The following NPNT variants were observed in gnomAD, a reference collection of about 807,000 sequenced individuals.
NPNT encodes the protein preosteoblast EGF-like repeat protein with MAM domain.
NPNT carries 45 observed loss-of-function variants against 68.6 expected under a neutral mutation model. That is an observed-to-expected ratio of 0.66 (90% confidence interval 0.52 to 0.84). The LOEUF (loss-of-function observed/expected upper bound fraction) is 0.84, where lower values mean the gene tolerates loss of function less well. Among genes scored for constraint, NPNT ranks in the 40% least tolerant of loss-of-function variants. NPNT has a pLI of 0.00. For missense variants in NPNT, 672 were observed against 714.8 expected (o/e 0.94, Z 0.68); for synonymous variants, 233 against 253.3 (o/e 0.92, Z 0.76).
chr4:105,916,386 A>AT (rs1002048993), intron 2 of NPNT, among the ~76,000 whole-genome samples: 523 of 141,716 alleles, frequency 3.7e-3, no homozygotes, highest in Middle Eastern at 0.019. Flanking sequence ...TGCCCATATA[A>AT]TTTTTTTTTT....
chr4:105,957,782 C>A (rs1247755027), intron 8 of NPNT, among the ~76,000 whole-genome samples: 1 of 152,156 alleles, frequency 6.6e-6, no homozygotes, highest in Non-Finnish European at 1.5e-5. Flanking sequence ...GATATTTATG[C>A]TGGGCCTTGA....
At chr4:105,920,395 T>TAAAAAAAAAAAAAAAAAAAAAAAAAAAA (rs11355483) in intron 2 of NPNT, among the ~76,000 whole-genome samples, 9 of 79,504 alleles carry the variant, frequency 1.1e-4, no homozygotes, top group African/African-American at 4.1e-4. Context: ...GTTACTCTAC[T>TAAAAAAAAAAAAAAAAAAAAAAAAAAAA]AAAAAAAAAA....
intron 8 of NPNT, among the ~76,000 whole-genome samples, chr4:105,952,312 G>A (rs113039871): frequency 1.1e-4 from 16 of 152,146 alleles, no homozygotes; most frequent in East Asian, 1.9e-4. Flanking sequence ...AGAAACTTGC[G>A]ATTTTATTCT....
rs780402797 is a variant in NPNT at position 105,967,301 on chromosome 4, C to A, written c.1459C>A (p.His487Asn). The A allele has an allele frequency of 1.2e-5, 19 of 1,613,864 alleles. No homozygotes were observed. Among genetic ancestry groups the A allele is most frequent in the Non-Finnish European group, 1.5e-5 (18 of 1,179,996 alleles). Residue 487 changes from histidine to asparagine, a missense_variant, in exon 11 of 12, where the codon CAC (histidine) becomes AAC (asparagine). Physicochemically the swap from His to Asn is moderately conservative, Grantham distance 68. Coordinates refer to ENST00000379987, the MANE Select transcript of NPNT (RefSeq NM_001033047.3). Reference sequence around the variant, plus strand: ...AGGGGACCTGTGCCTGTCATTCAGGCACAAGGTGACGGGGCTGCACTCTGG... The same window carrying A: ...AGGGGACCTGTGCCTGTCATTCAGGAACAAGGTGACGGGGCTGCACTCTGG... ...HSGDLCLSFR[H>N]KVTGLHSGTL...
intron 2 of NPNT, among the ~76,000 whole-genome samples, chr4:105,921,959 T>C (rs992599817): frequency 6.6e-6 from 1 of 152,236 alleles, no homozygotes; most frequent in South Asian, 2.1e-4. Flanking sequence ...TACCCTTGCA[T>C]GTTTCTCTGT....
At chr4:105,907,318 T>G (rs751225616) in intron 2 of NPNT, among the ~76,000 whole-genome samples, 17 of 151,840 alleles carry the variant, frequency 1.1e-4, no homozygotes, top group Non-Finnish European at 2.2e-4. Context: ...AAAAAGCAAA[T>G]AGTGATTTTA....
chr4:105,920,395 T>TAAAAAAAA (rs11355483), intron 2 of NPNT, among the ~76,000 whole-genome samples: 15 of 79,454 alleles, frequency 1.9e-4, no homozygotes, highest in African/African-American at 5.1e-4. Flanking sequence ...GTTACTCTAC[T>TAAAAAAAA]AAAAAAAAAA....
In NPNT at chr4:105,970,019, G is replaced by A. The variant is rs1259511513; in HGVS notation, c.*1029G>A. 1 of 175,652 alleles carries A rather than the reference G, an allele frequency of 5.7e-6. No individual in the cohort carries two copies. The highest frequency in any genetic ancestry group is 5.8e-5 in the Admixed American group (1 of 17,100). 10.9% of individuals were successfully genotyped at this position (175,652 alleles called of 1,614,324 possible). A position where few individuals can be genotyped will look rare whatever the true frequency, so the allele number is the denominator to read the frequency against. Reference sequence around the variant, plus strand: ...TTGGTTGATTCAGAAAAAGGATCCTGTTGCAGAGTGAGAGGAAGCATAGGG... The same window carrying A: ...TTGGTTGATTCAGAAAAAGGATCCTATTGCAGAGTGAGAGGAAGCATAGGG... On this transcript the variant is annotated 3_prime_UTR_variant, in exon 12 of 12. Coordinates refer to ENST00000379987, the MANE Select transcript of NPNT (RefSeq NM_001033047.3).
chr4:105,933,847 C>T (rs1040517603), intron 3 of NPNT, among the ~76,000 whole-genome samples: 25 of 152,184 alleles, frequency 1.6e-4, no homozygotes, highest in African/African-American at 4.8e-4. Context: ...CACCAACCTA[C>T]TGAAATGTAT....
intron 8 of NPNT, among the ~76,000 whole-genome samples, chr4:105,954,538 A>G (rs1025311988): frequency 2.6e-5 from 4 of 152,154 alleles, no homozygotes; most frequent in African/African-American, 9.7e-5. Context: ...AATCCTTCAG[A>G]GGCCGCCAGT....
intron 2 of NPNT, chr4:105,912,103 A>G: frequency 1.1e-6 from 1 of 885,772 alleles, no homozygotes; most frequent in East Asian, 2.6e-5. Context: ...GTCTCCGGGA[A>G]TGTAACAAGT....
Position 105,920,395 on chromosome 4 carries a change from T to TAAAAAAAAAAAAAAAAAAA in NPNT, c.173-6935_173-6917dup, listed in dbSNP as rs11355483. On this transcript the variant is annotated intron_variant, in intron 2 of 11. Transcript: ENST00000379987. The stretch of plus-strand genomic sequence containing the variant: ...GTGGGCATTGCTACTGTTACTCTAC[T>TAAAAAAAAAAAAAAAAAAA]AAAAAAAAAAAAAAAAAAAAAAAAC... 1.0e-3 allele frequency among the ~76,000 whole-genome samples: 81 copies of TAAAAAAAAAAAAAAAAAAA among 79,454 alleles called. 1 individual carries two copies. Among genetic ancestry groups the TAAAAAAAAAAAAAAAAAAA allele is most frequent in the Non-Finnish European group, 1.6e-3 (64 of 40,830 alleles). 52.1% of individuals were successfully genotyped at this position (79,454 alleles called of 152,430 possible).
chr4:105,903,315 T>A (rs1726576803), intron 2 of NPNT, among the ~76,000 whole-genome samples: 1 of 152,228 alleles, frequency 6.6e-6, no homozygotes, highest in Non-Finnish European at 1.5e-5. Context: ...CAGATGATAA[T>A]TAGTGAAGCT....
At chr4:105,927,707 T>C (rs1728802416) in intron 3 of NPNT, 1 of 182,130 alleles carries the variant, frequency 5.5e-6, no homozygotes, top group South Asian at 1.2e-4. Context: ...CTTCTGGTAC[T>C]CCTTGTTTTT....
chr4:105,921,153 A>T (rs1186008108), intron 2 of NPNT, among the ~76,000 whole-genome samples: 1 of 152,034 alleles, frequency 6.6e-6, no homozygotes, highest in Admixed American at 6.6e-5. Flanking sequence ...ATGTTACTTA[A>T]ATACTTTTAT....
chr4:105,948,722 G>A (rs1237064357), intron 8 of NPNT, among the ~76,000 whole-genome samples: 1 of 152,030 alleles, frequency 6.6e-6, no homozygotes, highest in Non-Finnish European at 1.5e-5. Context: ...TCAGGCTCAA[G>A]CAATCCTCCT....
At chr4:105,918,728 C>T (rs1336763740) in intron 2 of NPNT, among the ~76,000 whole-genome samples, 2 of 152,104 alleles carry the variant, frequency 1.3e-5, no homozygotes, top group African/African-American at 2.4e-5. Context: ...TTTTTATATC[C>T]CCAATTTTTA....
At position 105,952,855 on chromosome 4, in the gene NPNT, C is replaced by G. The variant is rs143728152; in HGVS notation, c.1160-5616C>G. Among the ~76,000 whole-genome samples, 1,141 of 152,312 alleles carry G rather than the reference C, an allele frequency of 7.5e-3. 16 individuals carry two copies. Among genetic ancestry groups the G allele is most frequent in the African/African-American group, 0.026 (1,061 of 41,564 alleles). ...AGAGAGTCTTCTTACCACTTGCATT[C>G]TGGTGCGAAGGACTCATTCCTGGCA... On this transcript the variant is annotated intron_variant, in intron 8 of 11. Transcript: ENST00000379987.
In NPNT at chr4:105,959,018, T is replaced by C; in HGVS notation, c.1247-10T>C. 6.4e-7 allele frequency: 1 copy of C among 1,563,320 alleles called. No individual in the cohort carries two copies. The highest frequency in any genetic ancestry group is 8.8e-7 in the Non-Finnish European group (1 of 1,133,906). On this transcript the variant is annotated splice_polypyrimidine_tract_variant and intron_variant, in intron 9 of 11. Coordinates refer to ENST00000379987, the MANE Select transcript of NPNT (RefSeq NM_001033047.3). ...CTGATCCACTCATCTTTCTGATTAT[T>C]TCCTTGTAGGTGTTCTGGTACACAG...
Sources: allele counts gnomAD v4.1 joint callset (sites outside exome capture counted in the v4.1 genomes callset), GRCh38; gene constraint gnomAD v4.1.1; transcripts MANE v1.5; gene names NCBI Gene and HGNC (gene_info 2026-07-23, HGNC 2026-07-21).